SLC6A11: variants seen among roughly 807,000 people sequenced by gnomAD.
SLC6A11 encodes the protein sodium- and chloride-dependent GABA transporter 3.
A neutral mutation model predicts 74.8 loss-of-function variants in SLC6A11; 25 were observed. That is an observed-to-expected ratio of 0.33 (90% confidence interval 0.24 to 0.47). The LOEUF (loss-of-function observed/expected upper bound fraction) is 0.47. Among genes scored for constraint, SLC6A11 ranks in the 20% least tolerant of loss-of-function variants. The pLI is 1.00. For missense variants in SLC6A11, 574 were observed against 837.0 expected (o/e 0.69, Z 3.88); for synonymous variants, 330 against 330.2 (o/e 1.00, Z 0.01).
At chr3:10,885,497 C>T (rs1323166690) in intron 6 of SLC6A11, among the ~76,000 whole-genome samples, 1 of 151,350 alleles carries the variant, frequency 6.6e-6, no homozygotes, top group Non-Finnish European at 1.5e-5. Context: ...TGTCTAGAAA[C>T]ATTTTTTGAT....
intron 5 of SLC6A11, among the ~76,000 whole-genome samples, chr3:10,862,278 G>A (rs1464582527): frequency 6.6e-6 from 1 of 152,218 alleles, no homozygotes; most frequent in Non-Finnish European, 1.5e-5. Context: ...CCTAATACCA[G>A]TGTAAGCTTG....
chr3:10,829,419 T>A (rs575717181), intron 4 of SLC6A11, among the ~76,000 whole-genome samples: 1 of 152,312 alleles, frequency 6.6e-6, no homozygotes, highest in East Asian at 1.9e-4. Flanking sequence ...TACAGTAGCC[T>A]TCATGCCTCC....
intron 10 of SLC6A11, among the ~76,000 whole-genome samples, chr3:10,932,449 C>G (rs925807073): frequency 2.0e-5 from 3 of 152,206 alleles, no homozygotes; most frequent in African/African-American, 7.2e-5. Context: ...AGCCCCACTC[C>G]CCTCTTTTTT....
Position 10,929,254 on chromosome 3 carries a change from T to G in SLC6A11, c.1286T>G (p.Val429Gly). 2.5e-6 allele frequency: 4 copies of G among 1,614,058 alleles called. No individual in the cohort carries two copies. Among genetic ancestry groups the G allele is most frequent in the Non-Finnish European group, 3.4e-6 (4 of 1,179,966 alleles). Residue 429 changes from valine to glycine, a missense_variant, in exon 10 of 14, where the codon GTT becomes GGT. This residue lies in a region of SLC6A11 where 257 missense variants were observed against 341.5 expected (regional missense o/e 0.75). Coordinates refer to ENST00000254488, the MANE Select transcript of SLC6A11 (RefSeq NM_014229.3). ...GCCGTGGTGGACATGTACCCCAAGG[T>G]TTTCCGGAGGGGTTACCGGCGGGAG... ...VTAVVDMYPK[V>G]FRRGYRRELL...
intron 6 of SLC6A11, among the ~76,000 whole-genome samples, chr3:10,875,945 ACT>A (rs1158558917): frequency 6.6e-6 from 1 of 152,138 alleles, no homozygotes; most frequent in Non-Finnish European, 1.5e-5. Context: ...CTTTTAAAGG[ACT>A]CTAGGTCATT....
At chr3:10,834,505 G>T (rs745560417) in intron 4 of SLC6A11, among the ~76,000 whole-genome samples, 5 of 152,130 alleles carry the variant, frequency 3.3e-5, no homozygotes, top group Non-Finnish European at 5.9e-5. Context: ...GGTTTCAGAA[G>T]GTTTCTTTAG....
intron 1 of SLC6A11, 120 bp from the exon 2 acceptor site, chr3:10,819,345 C>G: frequency 9.7e-7 from 1 of 1,032,622 alleles, no homozygotes; most frequent in East Asian, 2.4e-5. Context: ...ATAATGGGAA[C>G]TTGAACTCAA....
At chr3:10,873,463 TCCTACCCTAC>T (rs1694857599) in intron 5 of SLC6A11, among the ~76,000 whole-genome samples, 1 of 150,426 alleles carries the variant, frequency 6.6e-6, no homozygotes, top group Non-Finnish European at 1.5e-5. Context: ...TGGCATGCTA[TCCTACCCTAC>T]CCTACCATAC....
chr3:10,902,749 C>T (rs1379278260), intron 6 of SLC6A11, among the ~76,000 whole-genome samples: 1 of 152,168 alleles, frequency 6.6e-6, no homozygotes, highest in African/African-American at 2.4e-5. Context: ...TAACTTAGGC[C>T]CCTTTTGCTT....
chr3:10,816,409 C>T lies in SLC6A11; in HGVS notation c.144C>T (p.His48=), dbSNP rs201264738. ...HPRVKRDKAV[H]ERGHWNNKVE... ...GCGTCAAGCGCGACAAGGCGGTCCA[C>T]GAGCGCGGCCACTGGAACAACAAGG... The change falls in exon 1 of 14, where the codon CAC becomes CAT. Residue 48 remains histidine (H), a synonymous_variant. Transcript: ENST00000254488. The surrounding 1 kb of genome is among the most constrained non-coding windows in gnomAD (Gnocchi z 4.2). 18 of 1,591,882 alleles carry T rather than the reference C, an allele frequency of 1.1e-5. No homozygotes were observed. The Admixed American group carries it at 2.4e-4, about 21-fold the overall frequency.
chr3:10,898,036 A>G (rs1403043707), intron 6 of SLC6A11, among the ~76,000 whole-genome samples: 2 of 152,210 alleles, frequency 1.3e-5, no homozygotes, highest in Non-Finnish European at 2.9e-5. Flanking sequence ...CTCTGAAGCC[A>G]TGGCCGGAGC....
Position 10,934,172 on chromosome 3 carries a change from G to A in SLC6A11, c.1575+6G>A. ...TGACCCCTGGGATCTGCGCGGTAAG[G>A]GCCCCACCAGGAGCCACCTCCAGCC... On this transcript the variant is annotated splice_donor_region_variant and intron_variant, in intron 12 of 13. Coordinates refer to ENST00000254488, the MANE Select transcript of SLC6A11 (RefSeq NM_014229.3). The A allele has an allele frequency of 3.1e-6, 5 of 1,597,518 alleles. No individual in the cohort carries two copies. Among genetic ancestry groups the A allele is most frequent in the Non-Finnish European group, 4.3e-6 (5 of 1,165,178 alleles).
At chr3:10,856,458 C>T (rs1694639406) in intron 5 of SLC6A11, among the ~76,000 whole-genome samples, 1 of 152,204 alleles carries the variant, frequency 6.6e-6, no homozygotes, top group Non-Finnish European at 1.5e-5. Context: ...TTAACTTAAC[C>T]TTCACAACAG....
At chr3:10,864,406 C>A (rs750805097) in intron 5 of SLC6A11, among the ~76,000 whole-genome samples, 4 of 151,766 alleles carry the variant, frequency 2.6e-5, no homozygotes, top group Non-Finnish European at 5.9e-5. Flanking sequence ...AGTAACTGCG[C>A]GTGAGCCCCT....
intron 4 of SLC6A11, among the ~76,000 whole-genome samples, chr3:10,828,745 A>G (rs1213179819): frequency 6.6e-6 from 1 of 152,128 alleles, no homozygotes; most frequent in Non-Finnish European, 1.5e-5. Context: ...GACCATGCCC[A>G]TGGAATCCAC....
rs773059470 is a variant in SLC6A11, at chr3:10,933,163, A to C, written c.1384A>C (p.Ile462Leu). The part of the protein sequence containing the change: ...LVMLTEGGMY[I>L]FQLFDSYAAS... ...CCCCGACCTGCAGGGTGGCATGTAC[A>C]TCTTCCAGCTCTTTGACTCCTATGC... The change falls in exon 11 of 14, where the codon ATC becomes CTC. Residue 462 changes from isoleucine to leucine, a missense_variant. Coordinates refer to ENST00000254488, the MANE Select transcript of SLC6A11 (RefSeq NM_014229.3). 6.2e-7 allele frequency: 1 copy of C among 1,613,720 alleles called. No homozygotes were observed. The highest frequency in any genetic ancestry group is 8.5e-7 in the Non-Finnish European group (1 of 1,179,726).
At chr3:10,909,353 G>A (rs1695353345) in intron 6 of SLC6A11, among the ~76,000 whole-genome samples, 1 of 152,092 alleles carries the variant, frequency 6.6e-6, no homozygotes, top group African/African-American at 2.4e-5. Flanking sequence ...CAGCGTTGAT[G>A]TGCCCAAAGA....
chr3:10,830,007 C>T (rs1694273722), intron 4 of SLC6A11, among the ~76,000 whole-genome samples: 2 of 152,012 alleles, frequency 1.3e-5, no homozygotes, highest in South Asian at 2.1e-4. Flanking sequence ...AGTGGTGGGA[C>T]ACTGGCTCTC....
rs891909941 is a variant in SLC6A11 at position 10,929,012 on chromosome 3, A to G, written c.1234-190A>G. ...CCCACCTCTGAGCCTCAGCGTCGTC[A>G]TCTGTTAAATGGGCATGACTGGAGC... On this transcript the variant is annotated intron_variant, in intron 9 of 13. Transcript: ENST00000254488. 2.0e-5 allele frequency among the ~76,000 whole-genome samples: 3 copies of G among 152,250 alleles called. No homozygotes were observed. In the East Asian group the frequency reaches 5.8e-4, roughly 29 times the overall value.
Sources: allele counts gnomAD v4.1 joint callset (sites outside exome capture counted in the v4.1 genomes callset), GRCh38; gene constraint gnomAD v4.1.1; regional missense constraint gnomAD v4.1.1; non-coding constraint Gnocchi (gnomAD v3.1); transcripts MANE v1.5; gene names NCBI Gene and HGNC (gene_info 2026-07-23, HGNC 2026-07-21).